The following IGSF9B variants were observed in gnomAD, a reference collection of about 807,000 sequenced individuals.
IGSF9B encodes protein turtle homolog B.
A neutral mutation model predicts 143.7 loss-of-function variants in IGSF9B; 48 were observed. The observed-to-expected ratio is 0.33, with a 90% CI of 0.26 to 0.42. The LOEUF is 0.42. IGSF9B is among the 20% of genes least tolerant of loss of function. IGSF9B has a pLI of 1.00. For missense variants in IGSF9B, 1,706 were observed against 1,980.0 expected (o/e 0.86, Z 2.63); for synonymous variants, 903 against 833.1 (o/e 1.08, Z -1.44).
At chr11:133,930,583 G>C (rs1281957992) in intron 11 of IGSF9B, among the ~76,000 whole-genome samples, 1 of 152,128 alleles carries the variant, frequency 6.6e-6, no homozygotes, top group Non-Finnish European at 1.5e-5. Context: ...CCGCACGCCA[G>C]GCCTGGCCTG....
Position 133,929,770 on chromosome 11 carries a change from TG to T in IGSF9B, c.1531del (p.His511MetfsTer12). On this transcript the variant is annotated frameshift_variant, in exon 12 of 20. Coordinates refer to ENST00000533871, the MANE Select transcript of IGSF9B (RefSeq NM_001277285.4). LOFTEE classifies it high-confidence loss of function. ...THLTVIGTSPHAPGSVRVQVS... is the reference protein window; with the variant it reads ...THLTVIGTSPXAPGSVRVQVS... ...CTGGACCCGGACACTGCCCGGGGCA[TG>T]GGGGCTGGTGCCTGGAGATCAAGTG... 1 of 1,612,346 alleles carries T rather than the reference TG, an allele frequency of 6.2e-7. No homozygotes were observed. Among genetic ancestry groups the T allele is most frequent in the Non-Finnish European group, 8.5e-7 (1 of 1,178,532 alleles).
rs1306989578 is a variant in IGSF9B at position 133,913,881 on chromosome 11, C to CT, written c.3984-1875dup. Among the ~76,000 whole-genome samples the CT allele has an allele frequency of 6.6e-6, 1 of 152,254 alleles. No individual in the cohort carries two copies. Among genetic ancestry groups the CT allele is most frequent in the African/African-American group, 2.4e-5 (1 of 41,476 alleles). On this transcript the variant is annotated intron_variant, in intron 18 of 19. Transcript: ENST00000533871. The surrounding 1 kb of genome is among the most constrained non-coding windows in gnomAD (Gnocchi z 4.6). ...GTGAATCCACCTGTTCAGTCGATCT[C>CT]TGTCTCCTGGCCGGCCTCTTCAGGA...
intron 1 of IGSF9B, chr11:133,952,149 T>A (rs1377464716): frequency 9.2e-6 from 4 of 433,712 alleles, no homozygotes; most frequent in Non-Finnish European, 1.9e-5. Context: ...TCCTGCTTAT[T>A]CACGCAAGAG....
In IGSF9B at chr11:133,920,793, C is replaced by T. The variant is rs751732770; in HGVS notation, c.2932G>A (p.Val978Met). The T allele has an allele frequency of 1.2e-6, 2 of 1,609,348 alleles. No homozygotes were observed. Among genetic ancestry groups the T allele is most frequent in the Middle Eastern group, 3.3e-4 (2 of 6,044 alleles). Reference protein sequence around the residue: ...GYLSSSSPGEVEPPPFYVPEV... With the variant: ...GYLSSSSPGEMEPPPFYVPEV... The stretch of plus-strand genomic sequence containing the variant: ...GGCACGTAGAACGGGGGCGGCTCCA[C>T]CTCCCCAGGGCTGCTGCTGCTGAGG... The change falls in exon 18 of 20, where the codon GTG becomes ATG. Residue 978 changes from valine to methionine, a missense_variant. Physicochemically the swap from Val to Met is conservative, Grantham distance 21 (BLOSUM62 1). Transcript: ENST00000533871.
Position 133,931,583 on chromosome 11 carries a change from C to A in IGSF9B, c.1252-14G>T. The A allele has an allele frequency of 6.2e-7, 1 of 1,612,556 alleles. No individual in the cohort carries two copies. The highest frequency in any genetic ancestry group is 8.5e-7 in the Non-Finnish European group (1 of 1,179,276). ...ATAGGGGGGGTCCTGGGGAGGAAAG[C>A]ACAGGCACCCTCGTGAGGCCGGGGA... On this transcript the variant is annotated splice_polypyrimidine_tract_variant and intron_variant, in intron 9 of 19. Coordinates refer to ENST00000533871, the MANE Select transcript of IGSF9B (RefSeq NM_001277285.4). The surrounding 1 kb of genome is among the most constrained non-coding windows in gnomAD (Gnocchi z 7.7).
chr11:133,947,879 C>G (rs993539185), intron 1 of IGSF9B, among the ~76,000 whole-genome samples: 1 of 152,050 alleles, frequency 6.6e-6, no homozygotes, highest in African/African-American at 2.4e-5. Context: ...GTCTGCCTAT[C>G]TGTCCTGCGG....
chr11:133,933,202 G>C (rs968962512), intron 7 of IGSF9B, among the ~76,000 whole-genome samples: 2 of 152,142 alleles, frequency 1.3e-5, no homozygotes, highest in Non-Finnish European at 2.9e-5. Flanking sequence ...CCCGTTGAAC[G>C]AGGTCCTCTC....
intron 1 of IGSF9B, among the ~76,000 whole-genome samples, chr11:133,956,028 C>A (rs1591730291): frequency 1.3e-5 from 2 of 152,012 alleles, no homozygotes; most frequent in African/African-American, 4.8e-5. Flanking sequence ...GGCTGAGAGG[C>A]GCGGGGGCCG....
chr11:133,921,348 G>T lies in IGSF9B; in HGVS notation c.2377C>A (p.Pro793Thr). ...SPESIRTLRA[P>T]SESSDDQGQP... ...CCCTGGTCGTCGGAGGATTCTGACG[G>T]CGCTCGGAGCGTGCGGATGCTCTCG... is the stretch of plus-strand genomic sequence containing the variant. Residue 793 changes from proline to threonine, a missense_variant, in exon 18 of 20, where the codon CCG becomes ACG. Pro to Thr is a conservative substitution (Grantham distance 38, BLOSUM62 -1). This residue lies in a region of IGSF9B where 135 missense variants were observed against 181.3 expected (regional missense o/e 0.74). Transcript: ENST00000533871. The T allele has an allele frequency of 6.3e-7, 1 of 1,577,700 alleles. No homozygotes were observed.
chr11:133,951,368 C>T (rs77825526), intron 1 of IGSF9B, among the ~76,000 whole-genome samples: 12,538 of 152,220 alleles, frequency 0.082, 1,258 homozygotes, highest in African/African-American at 0.22. Flanking sequence ...GGCCCCCACG[C>T]GCCACCAAAC....
chr11:133,953,967 C>T lies in IGSF9B; in HGVS notation c.64+2724G>A, dbSNP rs1261001090. Reference sequence around the variant, plus strand: ...GAGGAGCCCATTCCAACCTCTGTCCCGCACCCGAGGGCTGATGGAGTCGGG... The same window carrying T: ...GAGGAGCCCATTCCAACCTCTGTCCTGCACCCGAGGGCTGATGGAGTCGGG... On this transcript the variant is annotated intron_variant, in intron 1 of 19. Coordinates refer to ENST00000533871, the MANE Select transcript of IGSF9B (RefSeq NM_001277285.4). This position sits in a 1 kb window ranked among gnomAD's most constrained non-coding sequence, Gnocchi z 4.2. 6.6e-6 allele frequency among the ~76,000 whole-genome samples: 1 copy of T among 152,174 alleles called. No individual in the cohort carries two copies. Among genetic ancestry groups the T allele is most frequent in the Admixed American group, 6.5e-5 (1 of 15,282 alleles).
In IGSF9B at chr11:133,907,608, G is replaced by A. The variant is rs553569100; in HGVS notation, c.*1461C>T. Among the ~76,000 whole-genome samples the A allele has an allele frequency of 2.2e-4, 33 of 152,322 alleles. No homozygotes were observed. In the South Asian group the frequency reaches 5.2e-3, roughly 24 times the overall value. ...CCCTTGGGCAGCACCATATCTTACC[G>A]GCAGAGAGACATCTTAGTGGGAAGA... is the stretch of plus-strand genomic sequence containing the variant. On this transcript the variant is annotated 3_prime_UTR_variant, in exon 20 of 20. Transcript: ENST00000533871.
rs896158101 is a variant in IGSF9B, at chr11:133,905,939, C to T, written c.*3130G>A. 3.3e-5 allele frequency among the ~76,000 whole-genome samples: 5 copies of T among 152,240 alleles called. No homozygotes were observed. The highest frequency in any genetic ancestry group is 7.3e-5 in the Non-Finnish European group (5 of 68,034). On this transcript the variant is annotated 3_prime_UTR_variant, in exon 20 of 20. Coordinates refer to ENST00000533871, the MANE Select transcript of IGSF9B (RefSeq NM_001277285.4). This position sits in a 1 kb window ranked among gnomAD's most constrained non-coding sequence, Gnocchi z 4.0. ...CAGTTGTCCAGGCCCCGCTAAGAAC[C>T]GTTTTCCCCTCTTCCTGGTCTGTGG...
Position 133,902,586 on chromosome 11 carries a change from AC to A in IGSF9B, c.*6482del, listed in dbSNP as rs1939157005. On this transcript the variant is annotated 3_prime_UTR_variant, in exon 20 of 20. Transcript: ENST00000533871. Reference sequence around the variant, plus strand: ...ACACACCCCACACACACACACACACACCCCACTTACTTCCTGAATCCAGAAA... The same window carrying A: ...ACACACCCCACACACACACACACACACCCACTTACTTCCTGAATCCAGAAA... Among the ~76,000 whole-genome samples the A allele has an allele frequency of 9.0e-6, 1 of 111,094 alleles. No individual in the cohort carries two copies. The highest frequency in any genetic ancestry group is 2.1e-5 in the Non-Finnish European group (1 of 46,930). The allele number at this position is 111,094 out of a possible 152,430, so 72.9% of individuals were successfully genotyped here. A position where few individuals can be genotyped will look rare whatever the true frequency, so the allele number is the denominator to read the frequency against.
intron 4 of IGSF9B, 89 bp from the exon 5 acceptor site, chr11:133,937,582 A>G: frequency 8.7e-7 from 1 of 1,147,134 alleles, no homozygotes; most frequent in Non-Finnish European, 1.3e-6. Context: ...GGAGACACTA[A>G]GGTGGAGATG....
At chr11:133,910,542 T>C (rs965788863) in intron 19 of IGSF9B, among the ~76,000 whole-genome samples, 5 of 152,148 alleles carry the variant, frequency 3.3e-5, no homozygotes, top group African/African-American at 1.2e-4. Flanking sequence ...CCAGTGCTAG[T>C]GATTAAACCG....
chr11:133,942,000 T>C (rs1357469411), intron 3 of IGSF9B, among the ~76,000 whole-genome samples: 1 of 152,232 alleles, frequency 6.6e-6, no homozygotes, highest in Non-Finnish European at 1.5e-5. Flanking sequence ...GACAGGGTCA[T>C]GCCTCCTGCT....
rs1191667161 is a variant in IGSF9B at position 133,900,729 on chromosome 11, T to C, written c.*8340A>G. The C allele has an allele frequency of 6.6e-6, 1 of 152,176 alleles. No homozygotes were observed. The highest frequency in any genetic ancestry group is 1.5e-5 in the Non-Finnish European group (1 of 68,018). The allele number at this position is 152,176 out of a possible 1,614,324, so 9.4% of individuals were successfully genotyped here. ...CAATTAAAAATAACTGAAAAAAACA[T>C]AGATGACATATTTATACTACATACC... On this transcript the variant is annotated 3_prime_UTR_variant, in exon 20 of 20. Transcript: ENST00000533871.
At position 133,920,331 on chromosome 11, in the gene IGSF9B, G is replaced by C; in HGVS notation, c.3394C>G (p.Gln1132Glu). 6.3e-7 allele frequency: 1 copy of C among 1,594,176 alleles called. No individual in the cohort carries two copies. Among genetic ancestry groups the C allele is most frequent in the South Asian group, 1.1e-5 (1 of 89,266 alleles). Residue 1132 changes from glutamine (Q) to glutamate (E), a missense_variant, in exon 18 of 20, where the codon CAA (glutamine) becomes GAA (glutamate). By Grantham distance (29) the Gln-to-Glu change is conservative (BLOSUM62 2). Coordinates refer to ENST00000533871, the MANE Select transcript of IGSF9B (RefSeq NM_001277285.4). ...QDRPMQPLVSQGQLRHTSQGM... is the reference protein window; with the variant it reads ...QDRPMQPLVSEGQLRHTSQGM... ...TGGCTTGTATGTCGCAGCTGCCCTT[G>C]GCTTACCAGAGGTTGCATAGGTCTG... is the stretch of plus-strand genomic sequence containing the variant.
Sources: gnomAD v4.1 joint callset for allele counts (sites outside exome capture counted in the v4.1 genomes callset) on GRCh38, gnomAD v4.1.1 for gene constraint, gnomAD v4.1.1 regional missense constraint, Gnocchi (gnomAD v3.1) non-coding constraint, MANE v1.5 for transcripts, NCBI Gene and HGNC (gene_info 2026-07-23, HGNC 2026-07-21) for gene names.